TMEM39B: variants seen among roughly 807,000 people sequenced by gnomAD.
TMEM39B encodes the protein transmembrane protein 39B.
Under a neutral mutation model 52.2 loss-of-function variants are expected in TMEM39B, and 23 were observed. The ratio of observed to expected loss-of-function variants is 0.44; its 90% CI spans 0.32 to 0.62. The LOEUF (loss-of-function observed/expected upper bound fraction) is 0.62, where lower values mean the gene tolerates loss of function less well. TMEM39B is among the 20% of genes least tolerant of loss of function. TMEM39B has a pLI of 0.06. For missense variants in TMEM39B, 547 were observed against 642.0 expected, an observed-to-expected ratio of 0.85 and a Z score of 1.60; for synonymous variants, 285 against 264.0, an observed-to-expected ratio of 1.08 and a Z score of -0.77.
At position 32,083,643 on chromosome 1, in the gene TMEM39B, C is replaced by T. The variant is rs567125600; in HGVS notation, c.590+6325C>T. Among the ~76,000 whole-genome samples the T allele has an allele frequency of 2.2e-3, 330 of 151,064 alleles. 1 individual carries two copies. Among genetic ancestry groups the T allele is most frequent in the Non-Finnish European group, 3.9e-3 (262 of 67,856 alleles). ...TTCACCGTGTTAGTCAGGATGGTCT[C>T]GATCTCCTGACCTCGTGATCCGTCC... On this transcript the variant is annotated intron_variant, in intron 5 of 8. Coordinates refer to ENST00000336294, the MANE Select transcript of TMEM39B (RefSeq NM_018056.4).
In TMEM39B at chr1:32,074,966, C is replaced by T; in HGVS notation, c.20C>T (p.Pro7Leu). The change falls in exon 2 of 9, where the codon CCC (proline) becomes CTC (leucine). Residue 7 changes from proline (P) to leucine (L), a missense_variant. Pro to Leu is a moderately conservative substitution (Grantham distance 98, BLOSUM62 -3). Coordinates refer to ENST00000336294, the MANE Select transcript of TMEM39B (RefSeq NM_018056.4). The stretch of plus-strand genomic sequence containing the variant: ...AGCCCCACAGGAGGACGAAGAGGTC[C>T]CAACAGGACATCTTACTGTCGAAAT... Reference protein sequence around the residue: MGGRRGPNRTSYCRNPL... With the variant: MGGRRGLNRTSYCRNPL... 6.4e-7 allele frequency: 1 copy of T among 1,551,224 alleles called. No individual in the cohort carries two copies. Among genetic ancestry groups the T allele is most frequent in the East Asian group, 2.4e-5 (1 of 40,898 alleles).
chr1:32,080,693 AAG>A (rs1640059061), intron 5 of TMEM39B, among the ~76,000 whole-genome samples: 2 of 151,558 alleles, frequency 1.3e-5, no homozygotes, highest in East Asian at 1.9e-4. Flanking sequence ...AAAAAAAAAA[AAG>A]AGTTGCCTTA....
At chr1:32,099,789 G>C (rs889476469) in intron 7 of TMEM39B, among the ~76,000 whole-genome samples, 1 of 152,162 alleles carries the variant, frequency 6.6e-6, no homozygotes, top group Non-Finnish European at 1.5e-5. Flanking sequence ...GCTGACGCCT[G>C]TAATCCCAGC....
At position 32,102,723 on chromosome 1, in the gene TMEM39B, C is replaced by T. The variant is rs1271755353; in HGVS notation, c.*50C>T. 2.8e-6 allele frequency: 4 copies of T among 1,418,662 alleles called. No homozygotes were observed. The highest frequency in any genetic ancestry group is 3.7e-6 in the Non-Finnish European group (4 of 1,078,558). 87.9% of individuals were successfully genotyped at this position (1,418,662 alleles called of 1,614,324 possible). On this transcript the variant is annotated 3_prime_UTR_variant, in exon 9 of 9. Coordinates refer to ENST00000336294, the MANE Select transcript of TMEM39B (RefSeq NM_018056.4). ...CGTCCAGGCTTCAGCCAAGGGCTCC[C>T]TGGCAAGGGGCTGTTGGGTAGAAGT...
chr1:32,089,028 T>G (rs1391114894), intron 5 of TMEM39B, among the ~76,000 whole-genome samples: 4 of 151,762 alleles, frequency 2.6e-5, no homozygotes, highest in African/African-American at 9.7e-5. Context: ...GAGAGTGGGA[T>G]CAATACAAGC....
rs1639695359 is a variant in TMEM39B at position 32,072,945 on chromosome 1, C to A, written c.-103C>A. On this transcript the variant is annotated 5_prime_UTR_variant, in exon 1 of 9. Coordinates refer to ENST00000336294, the MANE Select transcript of TMEM39B (RefSeq NM_018056.4). The stretch of plus-strand genomic sequence containing the variant: ...GCGGCGGGAGCGCGCGGCTGATACC[C>A]GGGACTGGGCTGCGGCGGTTAGTCC... 1 of 1,433,914 alleles carries A rather than the reference C, an allele frequency of 7.0e-7. No individual in the cohort carries two copies. The highest frequency in any genetic ancestry group is 2.4e-5 in the Admixed American group (1 of 41,550). 88.8% of individuals were successfully genotyped at this position (1,433,914 alleles called of 1,614,324 possible). A position where few individuals can be genotyped will look rare whatever the true frequency, so the allele number is the denominator to read the frequency against.
At chr1:32,080,428 G>A (rs1170790657) in intron 5 of TMEM39B, among the ~76,000 whole-genome samples, 2 of 151,950 alleles carry the variant, frequency 1.3e-5, no homozygotes, top group East Asian at 3.9e-4. Context: ...CACTTTGGGA[G>A]GCTGAGGCGG....
chr1:32,101,357 A>G (rs995361112), intron 8 of TMEM39B, among the ~76,000 whole-genome samples: 5 of 152,096 alleles, frequency 3.3e-5, no homozygotes, highest in Non-Finnish European at 7.4e-5. Context: ...TGACTTAGCT[A>G]TGGAAAGGGC....
At chr1:32,094,363 G>T (rs1436091440) in intron 6 of TMEM39B, among the ~76,000 whole-genome samples, 1 of 151,684 alleles carries the variant, frequency 6.6e-6, no homozygotes, top group East Asian at 1.9e-4. Flanking sequence ...CTGATCTCGT[G>T]ATCTGCCCAC....
chr1:32,099,005 CT>C (rs1234898154), intron 7 of TMEM39B, among the ~76,000 whole-genome samples: 1 of 152,142 alleles, frequency 6.6e-6, no homozygotes, highest in Non-Finnish European at 1.5e-5. Flanking sequence ...TATCCTAGCA[CT>C]TTGGGAGGCC....
rs78572941 is a variant in TMEM39B, at chr1:32,079,701, C to T, written c.590+2383C>T. 1.5e-4 allele frequency among the ~76,000 whole-genome samples: 23 copies of T among 152,160 alleles called. No individual in the cohort carries two copies. The East Asian group carries it at 3.5e-3, about 23-fold the overall frequency. ...GGCATGCGCCATCATGACCTGCTGC[C>T]TCATTTTTTTAATGGCCTCGCAGTA... On this transcript the variant is annotated intron_variant, in intron 5 of 8. Transcript: ENST00000336294.
At chr1:32,078,244 G>A (rs1569864519) in intron 5 of TMEM39B, among the ~76,000 whole-genome samples, 2 of 152,164 alleles carry the variant, frequency 1.3e-5, no homozygotes, top group South Asian at 4.1e-4. Context: ...CAGCACTTTG[G>A]AGGCCAAGAC....
Position 32,077,569 on chromosome 1 carries a change from T to C in TMEM39B, c.590+251T>C, listed in dbSNP as rs369540635. On this transcript the variant is annotated intron_variant, in intron 5 of 8. Transcript: ENST00000336294. ...TCAGAATGGGACTCAGATCTGCATA[T>C]ATATCCCAAAGGAACATTCCCAAGA... Among the ~76,000 whole-genome samples the C allele has an allele frequency of 3.9e-5, 6 of 152,224 alleles. No individual in the cohort carries two copies. In the East Asian group the frequency reaches 1.2e-3, roughly 29 times the overall value.
chr1:32,087,772 C>A (rs1640424014), intron 5 of TMEM39B: 1 of 143,104 alleles, frequency 7.0e-6, no homozygotes, highest in African/African-American at 2.5e-5. Context: ...GCCTCAGCCT[C>A]CCGAGTAGCT....
rs1194529598 is a variant in TMEM39B, at chr1:32,075,070, C to T, written c.124C>T (p.Arg42Cys). 3.9e-6 allele frequency: 6 copies of T among 1,550,108 alleles called. No homozygotes were observed. The highest frequency in any genetic ancestry group is 1.2e-5 in the South Asian group (1 of 83,838). Residue 42 changes from arginine (R) to cysteine (C), a missense_variant, in exon 2 of 9, where the codon CGC becomes TGC. Coordinates refer to ENST00000336294, the MANE Select transcript of TMEM39B (RefSeq NM_018056.4). The stretch of plus-strand genomic sequence containing the variant: ...TGCATCGGTGACCAGTGTTCGTTCC[C>T]GCACCAGGTAAACCACCTCTCTGTC... ...SSASVTSVRS[R>C]TRSSSGTGLS...
At chr1:32,085,039 G>A (rs1640282859) in intron 5 of TMEM39B, among the ~76,000 whole-genome samples, 1 of 152,086 alleles carries the variant, frequency 6.6e-6, no homozygotes, top group African/African-American at 2.4e-5. Context: ...GGAATATTCT[G>A]TTTATCTTTT....
intron 5 of TMEM39B, among the ~76,000 whole-genome samples, chr1:32,080,299 A>G (rs913970171): frequency 5.9e-5 from 9 of 152,180 alleles, no homozygotes; most frequent in African/African-American, 1.9e-4. Flanking sequence ...TAACTACACC[A>G]AAAGATGGAT....
chr1:32,075,982 G>T (rs1041396430), intron 3 of TMEM39B, 160 bp downstream of exon 3: 14 of 536,574 alleles, frequency 2.6e-5, no homozygotes, highest in South Asian at 2.6e-5. Flanking sequence ...ACAGGAAACT[G>T]ATGATTCACT....
At chr1:32,092,547 G>T (rs369030535) in intron 6 of TMEM39B, among the ~76,000 whole-genome samples, 7 of 152,150 alleles carry the variant, frequency 4.6e-5, no homozygotes, top group African/African-American at 1.4e-4. Flanking sequence ...CTAGAGTACA[G>T]TGGCACGATC....
Sources: allele counts gnomAD v4.1 joint callset (sites outside exome capture counted in the v4.1 genomes callset), GRCh38; gene constraint gnomAD v4.1.1; transcripts MANE v1.5; gene names NCBI Gene and HGNC (gene_info 2026-07-23, HGNC 2026-07-21).